RHEB: variants seen among roughly 807,000 people sequenced by gnomAD.
The protein encoded by RHEB is Ras homolog, mTORC1 binding, also known as GTP-binding protein Rheb.
A neutral mutation model predicts 28.8 loss-of-function variants in RHEB; 2 were observed. The observed-to-expected ratio is 0.07, with a 90% confidence interval of 0.03 to 0.22. The LOEUF is 0.22. RHEB is among the 10% of genes least tolerant of loss of function. The pLI is 1.00. For missense variants in RHEB, 76 were observed against 219.9 expected (o/e 0.35, Z 4.14); for synonymous variants, 69 against 77.3 (o/e 0.89, Z 0.56).
chr7:151,487,775 C>A (rs1802507334), intron 2 of RHEB, among the ~76,000 whole-genome samples: 1 of 152,152 alleles, frequency 6.6e-6, no homozygotes, highest in South Asian at 2.1e-4. Context: ...CTCCTTGAGC[C>A]CCTTTCTCCC....
intron 1 of RHEB, among the ~76,000 whole-genome samples, chr7:151,492,509 C>CA (rs958119568): frequency 1.2e-4 from 18 of 151,730 alleles, no homozygotes; most frequent in African/African-American, 3.9e-4. Context: ...CCCAGCTACT[C>CA]AGGAGGCTGA....
chr7:151,513,047 T>G, intron 1 of RHEB, among the ~76,000 whole-genome samples: 1 of 152,236 alleles, frequency 6.6e-6, no homozygotes, highest in Non-Finnish European at 1.5e-5. Context: ...CTGTTTCTAC[T>G]TAACAGTGTC....
chr7:151,499,653 T>TGTGG (rs1802737022), intron 1 of RHEB, among the ~76,000 whole-genome samples: 1 of 152,204 alleles, frequency 6.6e-6, no homozygotes, highest in Non-Finnish European at 1.5e-5. Flanking sequence ...GATCAACACC[T>TGTGG]TGAATCCACA....
At position 151,466,883 on chromosome 7, in the gene RHEB, A is replaced by G; in HGVS notation, c.*236T>C. ...TGCCGATAAAATTCTTGGTCATAAT[A>G]TTAAGAAATACAATATATAAATTGA... On this transcript the variant is annotated 3_prime_UTR_variant, in exon 8 of 8. Transcript: ENST00000262187. 1 of 407,082 alleles carries G rather than the reference A, an allele frequency of 2.5e-6. No homozygotes were observed. The highest frequency in any genetic ancestry group is 4.5e-5 in the South Asian group (1 of 22,272). The allele number at this position is 407,082 out of a possible 1,614,324, so 25.2% of individuals were successfully genotyped here.
intron 3 of RHEB, 93 bp from the exon 4 acceptor site, chr7:151,477,508 A>G: frequency 1.4e-6 from 1 of 719,620 alleles, no homozygotes. Context: ...TGAAGAAATC[A>G]AAGTAGACGC....
intron 2 of RHEB, among the ~76,000 whole-genome samples, chr7:151,488,770 T>G (rs1802527188): frequency 6.6e-6 from 1 of 152,166 alleles, no homozygotes; most frequent in Non-Finnish European, 1.5e-5. Flanking sequence ...GAGAAAAAAT[T>G]TAAAATATGA....
chr7:151,466,249 ACT>A lies in RHEB; in HGVS notation c.*868_*869del, dbSNP rs1377523746. 2 of 152,274 alleles carry A rather than the reference ACT, an allele frequency of 1.3e-5. No homozygotes were observed. The highest frequency in any genetic ancestry group is 2.1e-4 in the South Asian group (1 of 4,812). The allele number at this position is 152,274 out of a possible 1,614,324, so 9.4% of individuals were successfully genotyped here. On this transcript the variant is annotated 3_prime_UTR_variant, in exon 8 of 8. Coordinates refer to ENST00000262187, the MANE Select transcript of RHEB (RefSeq NM_005614.4). ...TCTGGGTCTGAAGGAGGCTCCCAAG[ACT>A]CTGACACAGAACACTAAACTCCAGG...
In RHEB at chr7:151,469,889, G is replaced by C. The variant is rs118051678; in HGVS notation, c.462+682C>G. Among the ~76,000 whole-genome samples the C allele has an allele frequency of 6.2e-4, 95 of 152,286 alleles. No individual in the cohort carries two copies. In the East Asian group the frequency reaches 0.018, roughly 29 times the overall value. ...AGTTCACTGACAGTTTCTGAGTAGAGGATGATACCATCAGATGTGTATCTT... is the reference window on the plus strand; with the variant it reads ...AGTTCACTGACAGTTTCTGAGTAGACGATGATACCATCAGATGTGTATCTT... On this transcript the variant is annotated intron_variant, in intron 7 of 7. Coordinates refer to ENST00000262187, the MANE Select transcript of RHEB (RefSeq NM_005614.4).
chr7:151,498,132 GAACTAT>G (rs1223196368), intron 1 of RHEB: 44 of 1,289,580 alleles, frequency 3.4e-5, no homozygotes, highest in Non-Finnish European at 4.1e-5. Context: ...GCGCCCTGCA[GAACTAT>G]AACACCACTC....
At chr7:151,510,072 G>A (rs1175110676) in intron 1 of RHEB, among the ~76,000 whole-genome samples, 1 of 152,182 alleles carries the variant, frequency 6.6e-6, no homozygotes, top group Non-Finnish European at 1.5e-5. Context: ...ACTTTTCACA[G>A]AGCAGACAAA....
At chr7:151,485,333 CT>C (rs897450432) in intron 2 of RHEB, among the ~76,000 whole-genome samples, 9 of 152,196 alleles carry the variant, frequency 5.9e-5, no homozygotes, top group Non-Finnish European at 8.8e-5. Context: ...CCCACTTAAG[CT>C]TAAGGATCCA....
intron 1 of RHEB, chr7:151,503,414 GA>G: frequency 8.5e-7 from 1 of 1,177,560 alleles, no homozygotes; most frequent in East Asian, 2.3e-5. Context: ...GATTTCCAGG[GA>G]ATGGAATACC....
chr7:151,517,316 C>T (rs981596054), intron 1 of RHEB, among the ~76,000 whole-genome samples: 4 of 149,204 alleles, frequency 2.7e-5, no homozygotes, highest in Non-Finnish European at 5.9e-5. Flanking sequence ...TGCAGTGAGC[C>T]GAGATCGCGC....
intron 1 of RHEB, among the ~76,000 whole-genome samples, chr7:151,491,798 T>A (rs1802587111): frequency 6.6e-6 from 1 of 152,184 alleles, no homozygotes. Context: ...AAAACTCCTT[T>A]GAAGCTAGAA....
rs75669519 is a variant in RHEB, at chr7:151,468,407, C to T, written c.463-1196G>A. 0.05 allele frequency among the ~76,000 whole-genome samples: 7,610 copies of T among 152,274 alleles called. 239 individuals carry two copies. The highest frequency in any genetic ancestry group is 0.083 in the East Asian group (432 of 5,176). Reference sequence around the variant, plus strand: ...CCAACTGTCGCTGGCACGGTGCCCGCGGCCACACCGTAAACGCTGCCCAGG... The same window carrying T: ...CCAACTGTCGCTGGCACGGTGCCCGTGGCCACACCGTAAACGCTGCCCAGG... On this transcript the variant is annotated intron_variant, in intron 7 of 7. Transcript: ENST00000262187. The surrounding 1 kb of genome is among the most constrained non-coding windows in gnomAD (Gnocchi z 4.3).
In RHEB at chr7:151,471,568, C is replaced by T; in HGVS notation, c.313G>A (p.Asp105Asn). The T allele has an allele frequency of 6.2e-7, 1 of 1,605,394 alleles. No individual in the cohort carries two copies. The highest frequency in any genetic ancestry group is 8.5e-7 in the Non-Finnish European group (1 of 1,174,760). ...ACTTACTGTACTTTCCCCACCATAT[C>T]CAACAATTTGCCATGGATAACTTTA... ...VIKVIHGKLL[D>N]MVGKVQIPIM... Residue 105 changes from aspartate (D) to asparagine (N), a missense_variant, in exon 5 of 8, where the codon GAT (aspartate) becomes AAT (asparagine). Coordinates refer to ENST00000262187, the MANE Select transcript of RHEB (RefSeq NM_005614.4).
At position 151,470,538 on chromosome 7, in the gene RHEB, G is replaced by A. The variant is rs375485427; in HGVS notation, c.462+33C>T. 823 of 1,434,630 alleles carry A rather than the reference G, an allele frequency of 5.7e-4. 2 individuals carry two copies. The highest frequency in any genetic ancestry group is 6.6e-4 in the Non-Finnish European group (670 of 1,017,736). 88.9% of individuals were successfully genotyped at this position (1,434,630 alleles called of 1,614,324 possible). A position where few individuals can be genotyped will look rare whatever the true frequency, so the allele number is the denominator to read the frequency against. On this transcript the variant is annotated intron_variant, in intron 7 of 7. Transcript: ENST00000262187. Reference sequence around the variant, plus strand: ...ACACATCCCTGCGACTGATGAGAACGCAATGCAAAATGAGGTTTATAGAAT... The same window carrying A: ...ACACATCCCTGCGACTGATGAGAACACAATGCAAAATGAGGTTTATAGAAT...
intron 1 of RHEB, chr7:151,518,887 G>A (rs964793074): frequency 6.6e-6 from 1 of 152,144 alleles, no homozygotes; most frequent in Non-Finnish European, 1.5e-5. Context: ...GATCGCCTAG[G>A]TTTCCTATGC....
chr7:151,514,376 C>A (rs1180965247), intron 1 of RHEB, among the ~76,000 whole-genome samples: 1 of 151,852 alleles, frequency 6.6e-6, no homozygotes, highest in Non-Finnish European at 1.5e-5. Flanking sequence ...GATATATCGG[C>A]CTTCAAATTA....
Sources: allele counts gnomAD v4.1 joint callset (sites outside exome capture counted in the v4.1 genomes callset), GRCh38; gene constraint gnomAD v4.1.1; non-coding constraint Gnocchi (gnomAD v3.1); transcripts MANE v1.5; gene names NCBI Gene and HGNC (gene_info 2026-07-23, HGNC 2026-07-21).